MDFI: variants seen among roughly 807,000 people sequenced by gnomAD.
The protein encoded by MDFI is MyoD family inhibitor.
A neutral mutation model predicts 22.3 loss-of-function variants in MDFI; 16 were observed. That is an observed-to-expected ratio of 0.72 (90% CI 0.49 to 1.09). The LOEUF (loss-of-function observed/expected upper bound fraction) is 1.09. Among genes scored for constraint, MDFI ranks in the 50% least tolerant of loss-of-function variants. The probability of loss-of-function intolerance (pLI) is 0.00; values close to 1 mark genes in which losing one functional copy is unlikely to be tolerated. For synonymous variants in MDFI, 145 were observed against 142.7 expected (o/e 1.02, Z -0.12); for missense variants, 314 against 326.1 (o/e 0.96, Z 0.29).
rs1581823330 is a variant in MDFI, at chr6:41,638,918, G to T, written c.76+93G>T. The stretch of plus-strand genomic sequence containing the variant: ...TTCTCCTCTCCGTCCCCAGACGCGG[G>T]GAGACCGTTCCAGGGAGCTTGGTGG... On this transcript the variant is annotated intron_variant, in intron 2 of 4. Coordinates refer to ENST00000230321, the MANE Select transcript of MDFI (RefSeq NM_005586.4). The surrounding 1 kb of genome is among the most constrained non-coding windows in gnomAD (Gnocchi z 7.6). 7.3e-6 allele frequency: 10 copies of T among 1,360,724 alleles called. No individual in the cohort carries two copies. In the East Asian group the frequency reaches 2.6e-4, roughly 35 times the overall value. The allele number at this position is 1,360,724 out of a possible 1,614,324, so 84.3% of individuals were successfully genotyped here.
chr6:41,639,543 G>T (rs1767772357), intron 2 of MDFI: 1 of 985,414 alleles, frequency 1.0e-6, no homozygotes, highest in Middle Eastern at 5.2e-4. Flanking sequence ...GGCCTCGCCG[G>T]CCCTGGTTCT....
At chr6:41,647,781 G>A (rs945080030) in intron 3 of MDFI, among the ~76,000 whole-genome samples, 5 of 151,750 alleles carry the variant, frequency 3.3e-5, no homozygotes, top group African/African-American at 7.3e-5. Context: ...ACCTACTCAC[G>A]CCTGTAATCC....
intron 3 of MDFI, among the ~76,000 whole-genome samples, chr6:41,648,042 C>CAAAAAAAAA (rs3050046): frequency 1.5e-5 from 1 of 65,548 alleles, no homozygotes. Flanking sequence ...GACTCCGTCT[C>CAAAAAAAAA]AAAAAAAAAA....
At chr6:41,638,237 C>G (rs1429559637), upstream of MDFI, 1 of 159,982 alleles carries the variant, frequency 6.3e-6, no homozygotes, top group African/African-American at 2.4e-5. This position sits in a 1 kb window ranked among gnomAD's most constrained non-coding sequence, Gnocchi z 7.6. Flanking sequence ...GGCCCCGCTC[C>G]GAGAGCGCGG....
chr6:41,637,410 T>TGG (rs1767679618), upstream of MDFI: 1 of 152,064 alleles, frequency 6.6e-6, no homozygotes, highest in African/African-American at 2.4e-5. The surrounding 1 kb of genome is among the most constrained non-coding windows in gnomAD (Gnocchi z 6.8). Flanking sequence ...CGCCGCTGCC[T>TGG]TCCAGTGTGC....
At chr6:41,640,839 G>T (rs1357651256) in intron 2 of MDFI, among the ~76,000 whole-genome samples, 1 of 152,208 alleles carries the variant, frequency 6.6e-6, no homozygotes, top group Non-Finnish European at 1.5e-5. Context: ...ACCCCTGAGA[G>T]CCCCGGGAGC....
intron 4 of MDFI, among the ~76,000 whole-genome samples, chr6:41,651,911 C>T (rs758743661): frequency 4.5e-4 from 68 of 152,260 alleles, no homozygotes; most frequent in Non-Finnish European, 9.1e-4. Flanking sequence ...ATTCACTGAG[C>T]ACCTCTATGT....
intron 2 of MDFI, among the ~76,000 whole-genome samples, chr6:41,641,850 A>G (rs1767863566): frequency 6.6e-6 from 1 of 151,678 alleles, no homozygotes; most frequent in Admixed American, 6.6e-5. Flanking sequence ...GTTCCCCCCT[A>G]CTCCCTGTTG....
intron 3 of MDFI, among the ~76,000 whole-genome samples, chr6:41,647,565 A>G (rs572930613): frequency 6.6e-6 from 1 of 152,270 alleles, no homozygotes; most frequent in South Asian, 2.1e-4. Flanking sequence ...GGCTCCCAGC[A>G]TGGAGCCTCT....
intron 4 of MDFI, 64 bp downstream of exon 4, chr6:41,649,907 G>T (rs761239057): frequency 5.7e-5 from 82 of 1,440,698 alleles, no homozygotes; most frequent in Admixed American, 9.1e-5. Context: ...GAAGCATGAC[G>T]CATGGGCCCA....
chr6:41,650,124 T>G, intron 4 of MDFI: 2 of 276,160 alleles, frequency 7.2e-6, no homozygotes, highest in Non-Finnish European at 6.0e-6. Flanking sequence ...CCCAAACCCC[T>G]CCCCATCCCT....
In MDFI at chr6:41,653,589, G is replaced by T. The variant is rs546683321; in HGVS notation, c.*14G>T. 4 of 1,598,308 alleles carry T rather than the reference G, an allele frequency of 2.5e-6. No individual in the cohort carries two copies. Among genetic ancestry groups the T allele is most frequent in the South Asian group, 1.1e-5 (1 of 91,058 alleles). On this transcript the variant is annotated 3_prime_UTR_variant, in exon 5 of 5. Coordinates refer to ENST00000230321, the MANE Select transcript of MDFI (RefSeq NM_005586.4). This position sits in a 1 kb window ranked among gnomAD's most constrained non-coding sequence, Gnocchi z 4.2. The stretch of plus-strand genomic sequence containing the variant: ...TTCTCCTCCTGAGCCTCTGTCGGGG[G>T]CTAAGCCAGCCTGGCGCCCCTGCAG...
Position 41,649,697 on chromosome 6 carries a change from C to T in MDFI, c.338C>T (p.Thr113Ile), listed in dbSNP as rs746890257. 3.1e-6 allele frequency: 5 copies of T among 1,613,984 alleles called. No homozygotes were observed. Among genetic ancestry groups the T allele is most frequent in the Non-Finnish European group, 4.2e-6 (5 of 1,179,958 alleles). ...DSGHPSELGG[T>I]RRAGNGALGG... Reference sequence around the variant, plus strand: ...GGCCACCCCTCAGAGCTGGGCGGCACCAGACGGGCGGGGAATGGTGCCCTG... The same window carrying T: ...GGCCACCCCTCAGAGCTGGGCGGCATCAGACGGGCGGGGAATGGTGCCCTG... Residue 113 changes from threonine to isoleucine, a missense_variant, in exon 4 of 5, where the codon ACC becomes ATC. By Grantham distance (89) the Thr-to-Ile change is moderately conservative (BLOSUM62 -1). Coordinates refer to ENST00000230321, the MANE Select transcript of MDFI (RefSeq NM_005586.4).
At position 41,654,080 on chromosome 6, in the gene MDFI, T is replaced by C. The variant is rs1768390248; in HGVS notation, c.*505T>C. 2 of 188,944 alleles carry C rather than the reference T, an allele frequency of 1.1e-5. No homozygotes were observed. The highest frequency in any genetic ancestry group is 2.2e-5 in the Non-Finnish European group (2 of 88,910). 11.7% of individuals were successfully genotyped at this position (188,944 alleles called of 1,614,324 possible). A position where few individuals can be genotyped will look rare whatever the true frequency, so the allele number is the denominator to read the frequency against. On this transcript the variant is annotated 3_prime_UTR_variant, in exon 5 of 5. Transcript: ENST00000230321. ...CTCCAGTCTCCTTTCCTAGGCTTTT[T>C]TGGGGGCCTAACCCACGCAGTGACC...
rs1379461505 is a variant in MDFI, at chr6:41,653,356, C to T, written c.522C>T (p.Cys174=). The change falls in exon 5 of 5, where the codon TGC becomes TGT. Residue 174 remains cysteine, a synonymous_variant. Coordinates refer to ENST00000230321, the MANE Select transcript of MDFI (RefSeq NM_005586.4). This position sits in a 1 kb window ranked among gnomAD's most constrained non-coding sequence, Gnocchi z 4.2. ...CVHCILSCLF[C]EFLTLCNIVL... ...ACTGCATCCTGTCCTGCCTGTTCTG[C>T]GAGTTCCTGACGCTGTGCAACATCG... The T allele has an allele frequency of 5.0e-6, 8 of 1,612,546 alleles. No individual in the cohort carries two copies. The highest frequency in any genetic ancestry group is 4.0e-5 in the African/African-American group (3 of 74,920).
chr6:41,650,730 C>T (rs1477990503), intron 4 of MDFI, among the ~76,000 whole-genome samples: 3 of 152,004 alleles, frequency 2.0e-5, no homozygotes, highest in East Asian at 2.0e-4. Context: ...CGTCCCACCA[C>T]GCCCAGCTAA....
In MDFI at chr6:41,646,185, G is replaced by A. The variant is rs1413338857; in HGVS notation, c.136G>A (p.Glu46Lys). The change falls in exon 3 of 5, where the codon GAG becomes AAG. Residue 46 changes from glutamate (E) to lysine (K), a missense_variant. Physicochemically the swap from Glu to Lys is moderately conservative, Grantham distance 56. Transcript: ENST00000230321. The part of the protein sequence containing the change: ...EVVTGSTHPA[E>K]AAPEEGSLEE... ...AGTAACAGGATCCACTCACCCTGCG[G>A]AGGCAGCACCAGAGGAGGGCTCCCT... The A allele has an allele frequency of 3.8e-6, 6 of 1,590,818 alleles. No homozygotes were observed. The highest frequency in any genetic ancestry group is 1.4e-5 in the African/African-American group (1 of 73,866).
At chr6:41,644,749 G>A (rs1767984178) in intron 2 of MDFI, among the ~76,000 whole-genome samples, 1 of 149,608 alleles carries the variant, frequency 6.7e-6, no homozygotes, top group Admixed American at 6.7e-5. Context: ...CTCCCTCTCT[G>A]TGTCAACCCC....
At chr6:41,650,822 C>T (rs1768243405) in intron 4 of MDFI, among the ~76,000 whole-genome samples, 1 of 152,058 alleles carries the variant, frequency 6.6e-6, no homozygotes, top group Admixed American at 6.5e-5. Flanking sequence ...GATCCACCCG[C>T]CTCGGCCTCC....
Sources: gnomAD v4.1 joint callset for allele counts (sites outside exome capture counted in the v4.1 genomes callset) on GRCh38, gnomAD v4.1.1 for gene constraint, Gnocchi (gnomAD v3.1) non-coding constraint, MANE v1.5 for transcripts, NCBI Gene and HGNC (gene_info 2026-07-23, HGNC 2026-07-21) for gene names.